GIGYF2: variants seen among roughly 807,000 people sequenced by gnomAD.
GIGYF2 encodes the protein GRB10 interacting GYF protein 2.
A neutral mutation model predicts 208.1 loss-of-function variants in GIGYF2; 25 were observed. The ratio of observed to expected loss-of-function variants is 0.12; its 90% CI spans 0.09 to 0.17. GIGYF2 has a LOEUF of 0.17. Ranked by LOEUF, GIGYF2 falls within the 10% of genes least tolerant of loss-of-function variation. The probability of loss-of-function intolerance (pLI) is 1.00; values close to 1 mark genes in which losing one functional copy is unlikely to be tolerated. For missense variants in GIGYF2, 1,302 were observed against 1,579.4 expected (o/e 0.82, Z 2.98); for synonymous variants, 534 against 543.8 (o/e 0.98, Z 0.25).
intron 8 of GIGYF2, among the ~76,000 whole-genome samples, chr2:232,784,601 T>TGATCTC (rs1699851160): frequency 7.7e-6 from 1 of 129,410 alleles, no homozygotes; most frequent in Non-Finnish European, 1.7e-5. Context: ...CGTGTTAGCT[T>TGATCTC]GATCTGACCT....
chr2:232,791,843 TAA>T (rs1169299715), intron 12 of GIGYF2, among the ~76,000 whole-genome samples: 1 of 152,216 alleles, frequency 6.6e-6, no homozygotes, highest in African/African-American at 2.4e-5. Flanking sequence ...GCCATTTTTC[TAA>T]AAGAGGACAA....
In GIGYF2 at chr2:232,735,817, T is replaced by A. The variant is rs1031613863; in HGVS notation, c.41+579T>A. On this transcript the variant is annotated intron_variant, in intron 3 of 28. Transcript: ENST00000373563. ...CATGGAATTTTGAGATCCATCACAT[T>A]GTAGTGTGGCTTCCCCCCCTCCCCT... 3 of 985,430 alleles carry A rather than the reference T, an allele frequency of 3.0e-6. No homozygotes were observed. In the African/African-American group the frequency reaches 5.2e-5, roughly 17 times the overall value. The allele number at this position is 985,430 out of a possible 1,614,324, so 61.0% of individuals were successfully genotyped here. A position where few individuals can be genotyped will look rare whatever the true frequency, so the allele number is the denominator to read the frequency against.
In GIGYF2 at chr2:232,744,884, G is replaced by A. The variant is rs139008691; in HGVS notation, c.42-2731G>A. Among the ~76,000 whole-genome samples, 1,342 of 152,226 alleles carry A rather than the reference G, an allele frequency of 8.8e-3. 35 individuals carry two copies. The highest frequency in any genetic ancestry group is 0.055 in the Admixed American group (848 of 15,280). On this transcript the variant is annotated intron_variant, in intron 3 of 28. Coordinates refer to ENST00000373563, the MANE Select transcript of GIGYF2 (RefSeq NM_001103146.3). The stretch of plus-strand genomic sequence containing the variant: ...CCTAGGTTTGAATCTTTGTTCTGCT[G>A]CCCGTGACTGTGGACAAGTTGTTTA...
At chr2:232,823,948 G>A (rs763446520) in intron 21 of GIGYF2, among the ~76,000 whole-genome samples, 4 of 152,148 alleles carry the variant, frequency 2.6e-5, no homozygotes, top group Non-Finnish European at 4.4e-5. Context: ...TTCTTGCAAT[G>A]TTTCAGATTT....
chr2:232,763,736 C>T (rs1196617343), intron 8 of GIGYF2, among the ~76,000 whole-genome samples: 1 of 151,524 alleles, frequency 6.6e-6, no homozygotes, highest in Non-Finnish European at 1.5e-5. Flanking sequence ...GAGACTGAGG[C>T]AGGGGAATCG....
At chr2:232,802,938 C>G (rs183020107) in intron 14 of GIGYF2, among the ~76,000 whole-genome samples, 2 of 148,806 alleles carry the variant, frequency 1.3e-5, no homozygotes, top group Admixed American at 6.7e-5. Flanking sequence ...CTAGCTCTGT[C>G]GGCCAGGCTG....
At chr2:232,705,662 C>T (rs1390368183) in intron 2 of GIGYF2, 1 of 152,268 alleles carries the variant, frequency 6.6e-6, no homozygotes, top group East Asian at 1.9e-4. Context: ...GCCTTGGCCT[C>T]CCAAAGTACT....
intron 8 of GIGYF2, among the ~76,000 whole-genome samples, chr2:232,771,865 ACTGT>A (rs977949572): frequency 2.0e-5 from 3 of 152,184 alleles, no homozygotes; most frequent in African/African-American, 7.2e-5. Context: ...TTATTATTAA[ACTGT>A]CTGCAAATCC....
chr2:232,720,581 A>ATTTTTTTTTTTTT (rs1331036864), intron 2 of GIGYF2, among the ~76,000 whole-genome samples: 3 of 117,842 alleles, frequency 2.5e-5, no homozygotes, highest in African/African-American at 5.9e-5. Context: ...ATATATATAT[A>ATTTTTTTTTTTTT]TATTTTTGTT....
intron 3 of GIGYF2, among the ~76,000 whole-genome samples, chr2:232,740,212 A>G (rs1697919997): frequency 6.6e-6 from 1 of 152,148 alleles, no homozygotes; most frequent in Non-Finnish European, 1.5e-5. Flanking sequence ...AGTCCCAGCT[A>G]CTGAGAGTCT....
At chr2:232,779,904 G>C (rs1699653181) in intron 8 of GIGYF2, among the ~76,000 whole-genome samples, 1 of 152,162 alleles carries the variant, frequency 6.6e-6, no homozygotes, top group African/African-American at 2.4e-5. Flanking sequence ...ATCAACACTT[G>C]AGTGGGATGC....
intron 2 of GIGYF2, chr2:232,722,760 T>C (rs893153216): frequency 2.0e-5 from 3 of 150,638 alleles, no homozygotes; most frequent in African/African-American, 7.3e-5. Context: ...CTGTATTATC[T>C]TTGTAGCTTT....
At chr2:232,763,403 C>T (rs1003038892) in intron 8 of GIGYF2, among the ~76,000 whole-genome samples, 2 of 151,864 alleles carry the variant, frequency 1.3e-5, no homozygotes, top group African/African-American at 4.8e-5. Flanking sequence ...GTACTGAATC[C>T]CATAAATACT....
chr2:232,759,626 TG>T (rs1454310431), intron 6 of GIGYF2, among the ~76,000 whole-genome samples: 2 of 152,184 alleles, frequency 1.3e-5, no homozygotes, highest in Non-Finnish European at 2.9e-5. Flanking sequence ...AGTGTTCTAC[TG>T]TATTTTATCA....
chr2:232,816,020 T>C (rs189474793), intron 19 of GIGYF2: 6 of 397,714 alleles, frequency 1.5e-5, no homozygotes, highest in Non-Finnish European at 2.3e-5. Flanking sequence ...TATGAACATT[T>C]GTTATAAGTA....
intron 14 of GIGYF2, among the ~76,000 whole-genome samples, chr2:232,802,459 G>T (rs1700426133): frequency 6.6e-6 from 1 of 152,086 alleles, no homozygotes; most frequent in African/African-American, 2.4e-5. Flanking sequence ...TTATGAAAGG[G>T]TGATACTACT....
chr2:232,724,428 C>T (rs917904692), intron 2 of GIGYF2: 4 of 152,178 alleles, frequency 2.6e-5, no homozygotes, highest in African/African-American at 9.7e-5. Context: ...TCATGCCTCA[C>T]TCCATTGAAA....
intron 28 of GIGYF2, among the ~76,000 whole-genome samples, chr2:232,851,413 A>ATTTTTTT (rs5839451): frequency 4.4e-4 from 65 of 149,164 alleles, no homozygotes; most frequent in Non-Finnish European, 6.0e-4. Context: ...TGAAACTAAC[A>ATTTTTTT]TTTTTTTTTT....
intron 18 of GIGYF2, among the ~76,000 whole-genome samples, chr2:232,812,819 T>C (rs946313980): frequency 6.6e-6 from 1 of 152,108 alleles, no homozygotes; most frequent in Non-Finnish European, 1.5e-5. Context: ...AACATAGTAA[T>C]GGTGACCTAT....
Sources: gnomAD v4.1 joint callset for allele counts (sites outside exome capture counted in the v4.1 genomes callset) on GRCh38, gnomAD v4.1.1 for gene constraint, MANE v1.5 for transcripts, NCBI Gene and HGNC (gene_info 2026-07-23, HGNC 2026-07-21) for gene names.